RSRC1: variants seen among roughly 807,000 people sequenced by gnomAD.
RSRC1 encodes arginine and serine rich coiled-coil 1.
A neutral mutation model predicts 49.1 loss-of-function variants in RSRC1; 39 were observed. The ratio of observed to expected loss-of-function variants is 0.79; its 90% CI spans 0.61 to 1.04. RSRC1 has a LOEUF of 1.04. RSRC1 is among the 50% of genes least tolerant of loss of function. RSRC1 has a pLI of 0.00. For missense variants in RSRC1, 388 were observed against 402.4 expected, an observed-to-expected ratio of 0.96 and a Z score of 0.31; for synonymous variants, 143 against 130.8, an observed-to-expected ratio of 1.09 and a Z score of -0.63.
intron 3 of RSRC1, among the ~76,000 whole-genome samples, chr3:158,162,028 G>C (rs1023471709): frequency 6.6e-6 from 1 of 152,150 alleles, no homozygotes; most frequent in African/African-American, 2.4e-5. Context: ...GTTTAGCTAC[G>C]TGGTAGGGAG....
At chr3:158,497,583 C>T (rs1739402922) in intron 7 of RSRC1, among the ~76,000 whole-genome samples, 2 of 151,818 alleles carry the variant, frequency 1.3e-5, no homozygotes, top group East Asian at 3.9e-4. Flanking sequence ...ACTACAGGCG[C>T]GTGCCACCAT....
At chr3:158,314,461 CAT>C (rs1728307454) in intron 5 of RSRC1, among the ~76,000 whole-genome samples, 2 of 151,122 alleles carry the variant, frequency 1.3e-5, no homozygotes, top group East Asian at 1.9e-4. Context: ...AGTATTTTCA[CAT>C]GTTAAATGAA....
intron 7 of RSRC1, among the ~76,000 whole-genome samples, chr3:158,489,950 T>C (rs975461588): frequency 1.1e-4 from 16 of 152,194 alleles, no homozygotes; most frequent in Admixed American, 7.2e-4. Flanking sequence ...AACTAAAGAA[T>C]ATTATCCATT....
At chr3:158,279,799 A>C (rs1349429927) in intron 4 of RSRC1, among the ~76,000 whole-genome samples, 3 of 152,200 alleles carry the variant, frequency 2.0e-5, no homozygotes, top group African/African-American at 7.2e-5. Context: ...TCCTAGATGT[A>C]AGTTGTGCTT....
chr3:158,163,848 C>G (rs571678209), intron 3 of RSRC1, among the ~76,000 whole-genome samples: 3 of 151,574 alleles, frequency 2.0e-5, no homozygotes, highest in East Asian at 3.9e-4. Context: ...TTGTCTTACT[C>G]AGCACTGTAT....
intron 7 of RSRC1, among the ~76,000 whole-genome samples, chr3:158,495,068 A>T (rs1449749953): frequency 6.6e-6 from 1 of 152,216 alleles, no homozygotes; most frequent in East Asian, 1.9e-4. Flanking sequence ...CCACAGATGC[A>T]TGAGTTATGT....
chr3:158,451,867 G>A (rs1737061463), intron 6 of RSRC1, among the ~76,000 whole-genome samples: 1 of 151,986 alleles, frequency 6.6e-6, no homozygotes, highest in Non-Finnish European at 1.5e-5. Flanking sequence ...AAATGAGGAA[G>A]AAACATTATT....
At position 158,538,370 on chromosome 3, in the gene RSRC1, T is replaced by TA. The variant is rs540674810; in HGVS notation, c.759+1179dup. On this transcript the variant is annotated intron_variant, in intron 8 of 9. Coordinates refer to ENST00000611884, the MANE Select transcript of RSRC1 (RefSeq NM_001271838.2). ...TTTGATAGTTTGCCACCACAACTCC[T>TA]AAAAAAATGGGGCTGTGAAATAGAC... is the stretch of plus-strand genomic sequence containing the variant. Among the ~76,000 whole-genome samples, 43 of 151,972 alleles carry TA rather than the reference T, an allele frequency of 2.8e-4. No individual in the cohort carries two copies. The South Asian group carries it at 4.1e-3, about 15-fold the overall frequency.
At chr3:158,290,517 C>T (rs564244174) in intron 4 of RSRC1, among the ~76,000 whole-genome samples, 62 of 152,204 alleles carry the variant, frequency 4.1e-4, no homozygotes, top group African/African-American at 1.3e-3. Context: ...CCTCGTGATC[C>T]GCCCACCTTG....
chr3:158,140,369 A>T (rs1022243078), intron 3 of RSRC1, among the ~76,000 whole-genome samples: 6 of 152,208 alleles, frequency 3.9e-5, no homozygotes, highest in Non-Finnish European at 7.3e-5. Flanking sequence ...GGTTTTATAT[A>T]AAATAGACTT....
At chr3:158,504,645 A>G (rs987507173) in intron 7 of RSRC1, among the ~76,000 whole-genome samples, 1 of 152,158 alleles carries the variant, frequency 6.6e-6, no homozygotes, top group African/African-American at 2.4e-5. Context: ...TCAGTTCTTG[A>G]AATAAAAATG....
chr3:158,246,500 T>C (rs1723908775), intron 4 of RSRC1, among the ~76,000 whole-genome samples: 1 of 152,174 alleles, frequency 6.6e-6, no homozygotes, highest in Non-Finnish European at 1.5e-5. Flanking sequence ...TAAGTGTGTT[T>C]TTGTTGTTGC....
intron 7 of RSRC1, among the ~76,000 whole-genome samples, chr3:158,531,342 A>G (rs1239232576): frequency 6.6e-6 from 1 of 151,954 alleles, no homozygotes; most frequent in African/African-American, 2.4e-5. Context: ...AGGTGAGAAG[A>G]GTTGAATGAG....
intron 6 of RSRC1, among the ~76,000 whole-genome samples, chr3:158,453,401 G>A (rs1024393244): frequency 2.8e-5 from 4 of 145,358 alleles, no homozygotes; most frequent in African/African-American, 1.0e-4. Context: ...TTTTTTTCGA[G>A]TCGGAGTATT....
At chr3:158,172,251 A>G (rs912890725) in intron 3 of RSRC1, among the ~76,000 whole-genome samples, 3 of 152,196 alleles carry the variant, frequency 2.0e-5, no homozygotes, top group East Asian at 1.9e-4. Context: ...AAAGGAAACC[A>G]TGCCCAGACA....
In RSRC1 at chr3:158,497,574, C is replaced by G. The variant is rs542724952; in HGVS notation, c.652+36571C>G. Among the ~76,000 whole-genome samples, 11 of 151,866 alleles carry G rather than the reference C, an allele frequency of 7.2e-5. No individual in the cohort carries two copies. In the South Asian group the frequency reaches 2.3e-3, roughly 32 times the overall value. ...GCCTCAGCCTCCCGAGTAGCTGGGA[C>G]TACAGGCGCGTGCCACCATGCCTAA... On this transcript the variant is annotated intron_variant, in intron 7 of 9. Transcript: ENST00000611884.
chr3:158,205,867 G>A (rs567760572), intron 4 of RSRC1, among the ~76,000 whole-genome samples: 17 of 152,236 alleles, frequency 1.1e-4, no homozygotes, highest in East Asian at 5.8e-4. Flanking sequence ...GAAAGTTTAC[G>A]AATTTGTGTT....
At chr3:158,194,830 C>A (rs1279280815) in intron 3 of RSRC1, among the ~76,000 whole-genome samples, 1 of 152,060 alleles carries the variant, frequency 6.6e-6, no homozygotes, top group African/African-American at 2.4e-5. Flanking sequence ...ATGAACTCAT[C>A]ATTTTTTATG....
intron 3 of RSRC1, among the ~76,000 whole-genome samples, chr3:158,144,809 T>C (rs13082553): frequency 0.43 from 64,802 of 151,900 alleles, 14,123 homozygotes; most frequent in East Asian, 0.62. Context: ...GTTTCCTGAC[T>C]TTCTAATGAT....
Sources: gnomAD v4.1 joint callset for allele counts (sites outside exome capture counted in the v4.1 genomes callset) on GRCh38, gnomAD v4.1.1 for gene constraint, MANE v1.5 for transcripts, NCBI Gene and HGNC (gene_info 2026-07-23, HGNC 2026-07-21) for gene names.